Variants in SDK1 observed in about 807,000 individuals in gnomAD.
The protein encoded by SDK1 is sidekick cell adhesion molecule 1.
SDK1 carries 157 observed loss-of-function variants against 245.5 expected under a neutral mutation model. The ratio of observed to expected loss-of-function variants is 0.64; its 90% CI spans 0.56 to 0.73. The LOEUF (loss-of-function observed/expected upper bound fraction) is 0.73, where lower values mean the gene tolerates loss of function less well. Among genes scored for constraint, SDK1 ranks in the 30% least tolerant of loss-of-function variants. The pLI is 0.00. For synonymous variants in SDK1, 1,647 were observed against 1,278.5 expected (o/e 1.29, Z -6.15); for missense variants, 3,583 against 3,002.3 (o/e 1.19, Z -4.52).
intron 13 of SDK1, among the ~76,000 whole-genome samples, chr7:3,982,558 G>T (rs1195077570): frequency 6.6e-6 from 1 of 152,132 alleles, no homozygotes; most frequent in Non-Finnish European, 1.5e-5. Context: ...GAATGTTTGT[G>T]GGCTGGGCGC....
At chr7:3,744,153 C>A (rs1779551175) in intron 4 of SDK1, among the ~76,000 whole-genome samples, 1 of 152,050 alleles carries the variant, frequency 6.6e-6, no homozygotes, top group Non-Finnish European at 1.5e-5. Flanking sequence ...TAAGATTTTT[C>A]CATGGCCTGG....
chr7:4,077,312 C>CAGCATCT, intron 21 of SDK1, 123 bp downstream of exon 21: 1 of 892,990 alleles, frequency 1.1e-6, no homozygotes, highest in Non-Finnish European at 1.7e-6. Context: ...TAGTGGCCTC[C>CAGCATCT]TGCCAAGATG....
intron 5 of SDK1, among the ~76,000 whole-genome samples, chr7:3,912,335 T>A (rs1303567840): frequency 1.3e-5 from 2 of 152,184 alleles, no homozygotes; most frequent in Non-Finnish European, 2.9e-5. Flanking sequence ...AAGAGAGAGT[T>A]CCAAAATGTA....
At chr7:3,515,558 G>A (rs1782719043) in intron 1 of SDK1, among the ~76,000 whole-genome samples, 1 of 152,140 alleles carries the variant, frequency 6.6e-6, no homozygotes, top group African/African-American at 2.4e-5. Flanking sequence ...CAAATCAAGT[G>A]TTCTCTATAA....
intron 22 of SDK1, 39 bp from the exon 23 acceptor site, chr7:4,110,624 A>G (rs1783277172): frequency 7.0e-7 from 1 of 1,437,892 alleles, no homozygotes; most frequent in Non-Finnish European, 9.8e-7. Context: ...TCAGTCCCTA[A>G]GGCATGTCCA....
chr7:3,793,574 C>G (rs1255710373), intron 4 of SDK1, among the ~76,000 whole-genome samples: 2 of 152,078 alleles, frequency 1.3e-5, no homozygotes, highest in Non-Finnish European at 2.9e-5. Flanking sequence ...CTTTTGTATC[C>G]TTCTTGTGTC....
At chr7:3,666,412 C>T (rs1783533605) in intron 4 of SDK1, among the ~76,000 whole-genome samples, 1 of 152,204 alleles carries the variant, frequency 6.6e-6, no homozygotes, top group Non-Finnish European at 1.5e-5. Flanking sequence ...CTTTTAGCTT[C>T]AGATTTTATC....
intron 1 of SDK1, among the ~76,000 whole-genome samples, chr7:3,543,893 C>G (rs1396128442): frequency 6.6e-6 from 1 of 152,198 alleles, no homozygotes; most frequent in East Asian, 1.9e-4. Context: ...CAAACACCAA[C>G]AGCCATCTGA....
intron 1 of SDK1, among the ~76,000 whole-genome samples, chr7:3,478,127 C>T (rs1338229005): frequency 6.6e-6 from 1 of 151,904 alleles, no homozygotes; most frequent in African/African-American, 2.4e-5. Flanking sequence ...AAGTATTATC[C>T]TTTTGTAATA....
chr7:3,634,522 A>T (rs1321345807), intron 2 of SDK1, among the ~76,000 whole-genome samples: 5 of 152,232 alleles, frequency 3.3e-5, no homozygotes. Flanking sequence ...GAATGCAAAC[A>T]TTCCCTGCTG....
At chr7:3,489,223 A>G (rs963868510) in intron 1 of SDK1, among the ~76,000 whole-genome samples, 1 of 152,206 alleles carries the variant, frequency 6.6e-6, no homozygotes, top group African/African-American at 2.4e-5. Flanking sequence ...AGGCACCAGT[A>G]GTATCATCTG....
At chr7:3,344,615 T>C (rs1780444130) in intron 1 of SDK1, among the ~76,000 whole-genome samples, 1 of 152,108 alleles carries the variant, frequency 6.6e-6, no homozygotes, top group Non-Finnish European at 1.5e-5. Flanking sequence ...TTGCAACAAA[T>C]GTTAAAACTG....
At chr7:3,883,110 G>A (rs1178950408) in intron 5 of SDK1, among the ~76,000 whole-genome samples, 2 of 152,166 alleles carry the variant, frequency 1.3e-5, no homozygotes, top group Non-Finnish European at 2.9e-5. Context: ...GAGCCCACGG[G>A]TTCCAGGGAG....
chr7:3,560,159 TATC>T (rs1481531082), intron 1 of SDK1, among the ~76,000 whole-genome samples: 3 of 152,256 alleles, frequency 2.0e-5, no homozygotes, highest in Non-Finnish European at 2.9e-5. Flanking sequence ...AAATGTTACT[TATC>T]ATAAAATATT....
chr7:4,107,174 G>GA, intron 22 of SDK1, among the ~76,000 whole-genome samples: 1 of 137,266 alleles, frequency 7.3e-6, no homozygotes, highest in African/African-American at 2.8e-5. Context: ...GGCTGCAGGG[G>GA]CCAACCAGAG....
At chr7:3,447,931 C>T (rs973632423) in intron 1 of SDK1, among the ~76,000 whole-genome samples, 3 of 151,398 alleles carry the variant, frequency 2.0e-5, no homozygotes, top group Non-Finnish European at 4.4e-5. Context: ...CTCGAATTCC[C>T]GAGCTCAGGT....
At chr7:4,021,999 T>A (rs1786932357) in intron 17 of SDK1, among the ~76,000 whole-genome samples, 3 of 152,158 alleles carry the variant, frequency 2.0e-5, no homozygotes, top group Non-Finnish European at 4.4e-5. Flanking sequence ...TGGGGCTGTT[T>A]GGGCATTAAG....
chr7:3,558,434 C>G (rs1015548595), intron 1 of SDK1, among the ~76,000 whole-genome samples: 2 of 152,234 alleles, frequency 1.3e-5, no homozygotes, highest in African/African-American at 4.8e-5. Context: ...AAGGAAATAA[C>G]TTCTGTATTC....
chr7:3,996,082 G>A (rs1027528994), intron 14 of SDK1, among the ~76,000 whole-genome samples: 1 of 151,860 alleles, frequency 6.6e-6, no homozygotes, highest in Admixed American at 6.6e-5. Context: ...CTGGAATTTA[G>A]GTGTGTTATA....
Sources: gnomAD v4.1 joint callset for allele counts (sites outside exome capture counted in the v4.1 genomes callset) on GRCh38, gnomAD v4.1.1 for gene constraint, MANE v1.5 for transcripts, NCBI Gene and HGNC (gene_info 2026-07-23, HGNC 2026-07-21) for gene names.